Variants in EXT1 observed in about 807,000 individuals in gnomAD.
EXT1 encodes the protein exostosin glycosyltransferase 1, also known as exostosin-1.
Under a neutral mutation model 82.5 loss-of-function variants are expected in EXT1, and 20 were observed. The ratio of observed to expected loss-of-function variants is 0.24; its 90% CI spans 0.17 to 0.35. The LOEUF is 0.35. Among genes scored for constraint, EXT1 ranks in the 10% least tolerant of loss-of-function variants. The pLI is 1.00. For missense variants in EXT1, 757 were observed against 936.5 expected (o/e 0.81, Z 2.50); for synonymous variants, 348 against 350.8 (o/e 0.99, Z 0.09).
At chr8:117,876,529 T>A (rs527499738) in intron 1 of EXT1, among the ~76,000 whole-genome samples, 1 of 152,224 alleles carries the variant, frequency 6.6e-6, no homozygotes, top group Non-Finnish European at 1.5e-5. Flanking sequence ...CCATTCCTTG[T>A]TGATAAAATA....
intron 1 of EXT1, among the ~76,000 whole-genome samples, chr8:117,896,184 G>A (rs962355916): frequency 3.3e-5 from 5 of 152,304 alleles, no homozygotes; most frequent in South Asian, 2.1e-4. Flanking sequence ...GTCTATGGAT[G>A]TGTGTGCATG....
intron 1 of EXT1, among the ~76,000 whole-genome samples, chr8:117,962,170 T>C (rs1814713260): frequency 1.3e-5 from 2 of 152,222 alleles, no homozygotes; most frequent in South Asian, 2.1e-4. Flanking sequence ...TACCACTTCC[T>C]GGTAGAAGAA....
In EXT1 at chr8:117,822,392, GA is replaced by G. The variant is rs1390655572; in HGVS notation, c.1417+72del. 2.0e-6 allele frequency: 3 copies of G among 1,535,106 alleles called. No individual in the cohort carries two copies. In the East Asian group the frequency reaches 6.8e-5, roughly 35 times the overall value. On this transcript the variant is annotated intron_variant, in intron 5 of 10. Transcript: ENST00000378204. The stretch of plus-strand genomic sequence containing the variant: ...TTAGATGGACCCCATTAGAGTAGAA[GA>G]ATAAAGGCCTTTAGTTCTGTATGAC...
intron 1 of EXT1, among the ~76,000 whole-genome samples, chr8:118,025,769 T>C (rs191473428): frequency 2.8e-4 from 42 of 152,262 alleles, no homozygotes; most frequent in African/African-American, 5.8e-4. Context: ...ATTTTTTTTT[T>C]CAAAAATACC....
rs1300809561 is a variant in EXT1 at position 117,916,702 on chromosome 8, G to T, written c.963-79501C>A. 3.3e-5 allele frequency among the ~76,000 whole-genome samples: 5 copies of T among 152,024 alleles called. 1 individual carries two copies. The highest frequency in any genetic ancestry group is 2.0e-4 in the Admixed American group (3 of 15,260). On this transcript the variant is annotated intron_variant, in intron 1 of 10. Coordinates refer to ENST00000378204, the MANE Select transcript of EXT1 (RefSeq NM_000127.3). ...CCAAGGCAGGAGGATCACTTGAGGTGAGGAGTTTGAGACTAGTCTGGCCAA... is the reference window on the plus strand; with the variant it reads ...CCAAGGCAGGAGGATCACTTGAGGTTAGGAGTTTGAGACTAGTCTGGCCAA...
chr8:117,987,719 C>T (rs1815349908), intron 1 of EXT1, among the ~76,000 whole-genome samples: 1 of 152,180 alleles, frequency 6.6e-6, no homozygotes, highest in South Asian at 2.1e-4. Context: ...TAAGAAGACT[C>T]ATTCATGTAA....
intron 1 of EXT1, among the ~76,000 whole-genome samples, chr8:118,023,631 C>A (rs944808343): frequency 6.6e-6 from 1 of 152,148 alleles, no homozygotes; most frequent in Non-Finnish European, 1.5e-5. Flanking sequence ...CAGAGCTGTA[C>A]GTAGAAATTA....
intron 1 of EXT1, among the ~76,000 whole-genome samples, chr8:117,991,674 G>T (rs1815438120): frequency 6.6e-6 from 1 of 152,116 alleles, no homozygotes; most frequent in African/African-American, 2.4e-5. Context: ...TGATTCTCCG[G>T]CCTCAGCCTC....
At position 118,031,446 on chromosome 8, in the gene EXT1, A is replaced by G. The variant is rs147185688; in HGVS notation, c.962+78639T>C. On this transcript the variant is annotated intron_variant, in intron 1 of 10. Transcript: ENST00000378204. ...AGGCTGAAGCAGGGGAATTGCTTGA[A>G]CCTGCAAGGCGGAGGTTGCAGTGAG... Among the ~76,000 whole-genome samples the G allele has an allele frequency of 1.3e-4, 19 of 151,784 alleles. 1 individual carries two copies. Among genetic ancestry groups the G allele is most frequent in the African/African-American group, 4.4e-4 (18 of 41,362 alleles).
At chr8:117,893,957 C>T (rs1234283054) in intron 1 of EXT1, among the ~76,000 whole-genome samples, 4 of 152,174 alleles carry the variant, frequency 2.6e-5, no homozygotes, top group Non-Finnish European at 5.9e-5. Flanking sequence ...ATCACCCTGG[C>T]CTGCCTTCAG....
intron 8 of EXT1, among the ~76,000 whole-genome samples, chr8:117,808,207 T>C (rs1823265524): frequency 6.6e-6 from 1 of 152,174 alleles, no homozygotes. Context: ...TAAATCAAAA[T>C]AATAAACAGA....
intron 1 of EXT1, among the ~76,000 whole-genome samples, chr8:118,041,665 AGAAG>A (rs57360744): frequency 0.19 from 23,668 of 125,008 alleles, 2,190 homozygotes; most frequent in Middle Eastern, 0.26. Flanking sequence ...AGAGAGAGAA[AGAAG>A]GAAGGAAGGA....
At chr8:117,975,688 C>G (rs764083069) in intron 1 of EXT1, among the ~76,000 whole-genome samples, 5 of 152,166 alleles carry the variant, frequency 3.3e-5, no homozygotes, top group Non-Finnish European at 5.9e-5. Context: ...CTGCCCCCAC[C>G]ACCAAACTGT....
intron 1 of EXT1, among the ~76,000 whole-genome samples, chr8:117,923,189 G>A (rs887905859): frequency 4.5e-4 from 68 of 152,194 alleles, no homozygotes; most frequent in African/African-American, 1.5e-3. Context: ...GCTGGGCGTG[G>A]TGGTGGGTCC....
At chr8:118,026,521 G>A (rs577638345) in intron 1 of EXT1, among the ~76,000 whole-genome samples, 2 of 151,914 alleles carry the variant, frequency 1.3e-5, no homozygotes, top group South Asian at 2.1e-4. Flanking sequence ...TTGAGATTTC[G>A]CCCTGAGATA....
intron 1 of EXT1, among the ~76,000 whole-genome samples, chr8:117,973,943 A>G (rs1247016913): frequency 1.4e-5 from 2 of 140,832 alleles, no homozygotes; most frequent in African/African-American, 5.5e-5. Flanking sequence ...GGAAGGAAGG[A>G]AGGAAGGAAG....
chr8:117,952,754 G>GAAA (rs201825732), intron 1 of EXT1, among the ~76,000 whole-genome samples: 1 of 142,324 alleles, frequency 7.0e-6, no homozygotes, highest in Admixed American at 7.1e-5. Context: ...CAGGGAGACT[G>GAAA]AAAAAAAAAA....
chr8:117,840,284 C>A (rs1185625366), intron 1 of EXT1, among the ~76,000 whole-genome samples: 1 of 152,030 alleles, frequency 6.6e-6, no homozygotes, highest in Non-Finnish European at 1.5e-5. Context: ...CTCCATCCCC[C>A]CAGGTCCCAT....
chr8:117,975,161 C>A (rs1055884501), intron 1 of EXT1, among the ~76,000 whole-genome samples: 6 of 152,134 alleles, frequency 3.9e-5, no homozygotes, highest in African/African-American at 1.4e-4. Context: ...AAGCCTTAAA[C>A]CTTCTGAAGA....
Sources: gnomAD v4.1 joint callset for allele counts (sites outside exome capture counted in the v4.1 genomes callset) on GRCh38, gnomAD v4.1.1 for gene constraint, MANE v1.5 for transcripts, NCBI Gene and HGNC (gene_info 2026-07-23, HGNC 2026-07-21) for gene names.